KCNAB2: variants seen among roughly 807,000 people sequenced by gnomAD.
KCNAB2 encodes the protein potassium voltage-gated channel subfamily A regulatory beta subunit 2.
In KCNAB2, 29 loss-of-function variants were observed where a neutral mutation model predicts 63.6. The observed-to-expected ratio is 0.46, with a 90% CI of 0.34 to 0.62. KCNAB2 has a LOEUF of 0.62. KCNAB2 is among the 20% of genes least tolerant of loss of function. The pLI is 0.01. For missense variants in KCNAB2, 359 were observed against 563.9 expected, an observed-to-expected ratio of 0.64 and a Z score of 3.68; for synonymous variants, 222 against 224.2, an observed-to-expected ratio of 0.99 and a Z score of 0.09.
chr1:6,089,188 C>T, intron 8 of KCNAB2, 137 bp downstream of exon 8: 3 of 940,474 alleles, frequency 3.2e-6, no homozygotes, highest in Non-Finnish European at 4.9e-6. Context: ...GGTGCTCTGG[C>T]CTGACCTTCT....
chr1:6,058,396 G>A (rs936006865), intron 2 of KCNAB2, among the ~76,000 whole-genome samples: 2 of 151,996 alleles, frequency 1.3e-5, no homozygotes, highest in African/African-American at 4.8e-5. Flanking sequence ...GGAGGAACCC[G>A]GGCTCCCACC....
At chr1:6,085,281 G>C (rs767045580) in intron 6 of KCNAB2, 33 bp downstream of exon 6, 2 of 1,602,600 alleles carry the variant, frequency 1.2e-6, no homozygotes, top group Non-Finnish European at 1.7e-6. Flanking sequence ...CCTGTCCCTG[G>C]GGTGGGTGCG....
At chr1:6,019,902 G>A (rs551947953) in intron 1 of KCNAB2, among the ~76,000 whole-genome samples, 1 of 152,346 alleles carries the variant, frequency 6.6e-6, no homozygotes, top group Non-Finnish European at 1.5e-5. Flanking sequence ...TCACTTCGTT[G>A]TCAATCTCCG....
At chr1:6,076,718 G>T (rs994204463) in intron 4 of KCNAB2, among the ~76,000 whole-genome samples, 2 of 152,186 alleles carry the variant, frequency 1.3e-5, no homozygotes, top group Non-Finnish European at 2.9e-5. Context: ...CTGGGGTAGG[G>T]ACAGATTCCT....
intron 4 of KCNAB2, among the ~76,000 whole-genome samples, chr1:6,077,654 C>T (rs113416994): frequency 1.1e-3 from 161 of 152,300 alleles, no homozygotes; most frequent in African/African-American, 2.2e-3. Flanking sequence ...TGCTCCGGAG[C>T]GGAGAGCGCC....
At position 6,028,722 on chromosome 1, in the gene KCNAB2, G is replaced by A. The variant is rs576200871; in HGVS notation, c.-52-11795G>A. On this transcript the variant is annotated intron_variant, in intron 1 of 16. Transcript: ENST00000341524. The surrounding 1 kb of genome is among the most constrained non-coding windows in gnomAD (Gnocchi z 4.0). ...ATCTGGGGGAGAGTCCATCGTTGGT[G>A]TTGCTCCACTGACCTCCAGGATGGC... Among the ~76,000 whole-genome samples, 2 of 152,332 alleles carry A rather than the reference G, an allele frequency of 1.3e-5. No homozygotes were observed. Among genetic ancestry groups the A allele is most frequent in the South Asian group, 4.1e-4 (2 of 4,830 alleles).
Position 6,035,655 on chromosome 1 carries a change from C to T in KCNAB2, c.-53+861C>T, listed in dbSNP as rs188673994. Among the ~76,000 whole-genome samples the T allele has an allele frequency of 4.0e-4, 60 of 151,706 alleles. No individual in the cohort carries two copies. The highest frequency in any genetic ancestry group is 2.0e-3 in the Admixed American group (30 of 15,248). On this transcript the variant is annotated intron_variant, in intron 1 of 15. Coordinates refer to the KCNAB2 transcript ENST00000164247. This position sits in a 1 kb window ranked among gnomAD's most constrained non-coding sequence, Gnocchi z 5.0. The stretch of plus-strand genomic sequence containing the variant: ...GAACTGGGCTGGGGGTGAGGGCAGT[C>T]GGGAGCTCAGTGTCTGACCCAGGAA...
chr1:5,992,895 G>C (rs1486421696), intron 1 of KCNAB2: 1 of 152,316 alleles, frequency 6.6e-6, no homozygotes, highest in East Asian at 1.9e-4. Flanking sequence ...CCGCGGTCCC[G>C]TCTCCATCTC....
chr1:6,005,717 G>C (rs1657628519), intron 1 of KCNAB2, among the ~76,000 whole-genome samples: 1 of 151,934 alleles, frequency 6.6e-6, no homozygotes. Context: ...TCACTGTGAG[G>C]ATGCAGGGCC....
In KCNAB2 at chr1:6,051,603, C is replaced by G; in HGVS notation, c.67C>G (p.Leu23Val). The change falls in exon 2 of 16, where the codon CTG (leucine) becomes GTG (valine). Residue 23 changes from leucine (L) to valine (V), a missense_variant. By Grantham distance (32) the Leu-to-Val change is conservative. Around this residue, in one of 2 missense-constraint regions of KCNAB2, gnomAD observed 88 missense variants for 87.8 expected, o/e 1.00. Coordinates refer to ENST00000378083, the MANE Select transcript of KCNAB2 (RefSeq NM_001199862.2). ...VSSRCHSEWA[L>V]HPVRQTDTLE... ...CAGCAGGTGCCACTCTGAATGGGCC[C>G]TGCACCCCGTCCGCCAGACGGACAC... 2 of 1,534,966 alleles carry G rather than the reference C, an allele frequency of 1.3e-6. No homozygotes were observed. Among genetic ancestry groups the G allele is most frequent in the Non-Finnish European group, 1.7e-6 (2 of 1,146,668 alleles).
intron 2 of KCNAB2, among the ~76,000 whole-genome samples, chr1:6,059,364 T>C (rs1392918941): frequency 2.0e-5 from 3 of 152,074 alleles, no homozygotes; most frequent in Admixed American, 2.0e-4. Flanking sequence ...CTAATTTTTG[T>C]GCTTTTTGTA....
Position 5,994,086 on chromosome 1 carries a change from G to A in KCNAB2, c.-53+1298G>A, listed in dbSNP as rs957834140. 5.9e-5 allele frequency among the ~76,000 whole-genome samples: 9 copies of A among 152,208 alleles called. No homozygotes were observed. Among genetic ancestry groups the A allele is most frequent in the Non-Finnish European group, 1.3e-4 (9 of 68,042 alleles). ...TGGAAATTAATACATCCACATCCGA[G>A]GAGCAAGAACACCAAGTTCAGGCCA... On this transcript the variant is annotated intron_variant, in intron 1 of 16. Transcript: ENST00000341524. The surrounding 1 kb of genome is among the most constrained non-coding windows in gnomAD (Gnocchi z 5.4).
In KCNAB2 at chr1:6,101,031, C is replaced by CT. The variant is rs1553135921; in HGVS notation, c.*2466dup. On this transcript the variant is annotated 3_prime_UTR_variant, in exon 16 of 16. Transcript: ENST00000378083. ...TAATGTGCTTTTTCTCTCCCCGAGTCTTTTTTTTTAAACCTACCGTGGTTC... is the reference window on the plus strand; with the variant it reads ...TAATGTGCTTTTTCTCTCCCCGAGTCTTTTTTTTTTAAACCTACCGTGGTTC... 0.28 allele frequency: 26,913 copies of CT among 97,362 alleles called. 3,103 individuals are homozygous for CT. Among genetic ancestry groups the CT allele is most frequent in the East Asian group, 0.71 (3,163 of 4,456 alleles). 6.0% of individuals were successfully genotyped at this position (97,362 alleles called of 1,614,324 possible). A position where few individuals can be genotyped will look rare whatever the true frequency, so the allele number is the denominator to read the frequency against.
chr1:6,038,625 G>A (rs1248310554), intron 1 of KCNAB2, among the ~76,000 whole-genome samples: 1 of 152,180 alleles, frequency 6.6e-6, no homozygotes, highest in African/African-American at 2.4e-5. Context: ...GTCTACACAT[G>A]TGCTCACATC....
chr1:6,087,601 G>A lies in KCNAB2; in HGVS notation c.470+90G>A. Reference sequence around the variant, plus strand: ...AGACCCCTGACCTAGAAGGCTCCTGGGGTGGCGGGAGGACAGTCCTCCTTG... The same window carrying A: ...AGACCCCTGACCTAGAAGGCTCCTGAGGTGGCGGGAGGACAGTCCTCCTTG... On this transcript the variant is annotated intron_variant, in intron 7 of 15. Coordinates refer to ENST00000378083, the MANE Select transcript of KCNAB2 (RefSeq NM_001199862.2). This position sits in a 1 kb window ranked among gnomAD's most constrained non-coding sequence, Gnocchi z 6.4. 7.1e-7 allele frequency: 1 copy of A among 1,409,742 alleles called. No individual in the cohort carries two copies. Among genetic ancestry groups the A allele is most frequent in the Non-Finnish European group, 1.0e-6 (1 of 997,876 alleles). The allele number at this position is 1,409,742 out of a possible 1,614,324, so 87.3% of individuals were successfully genotyped here.
intron 1 of KCNAB2, among the ~76,000 whole-genome samples, chr1:6,002,328 C>T (rs1455495418): frequency 6.6e-6 from 1 of 152,250 alleles, no homozygotes; most frequent in Non-Finnish European, 1.5e-5. Flanking sequence ...CCCTGAACAA[C>T]AGGCAGTGCC....
chr1:6,072,876 C>A, intron 3 of KCNAB2, 78 bp downstream of exon 3: 1 of 1,430,002 alleles, frequency 7.0e-7, no homozygotes. Context: ...CTGGACACCC[C>A]TTGGGAGGCA....
At chr1:6,082,728 A>G (rs754417368) in intron 5 of KCNAB2, among the ~76,000 whole-genome samples, 1 of 152,226 alleles carries the variant, frequency 6.6e-6, no homozygotes, top group Non-Finnish European at 1.5e-5. Flanking sequence ...GTAAAAGCTC[A>G]GCCTTCTTCA....
chr1:6,075,188 T>C (rs1438607025), intron 4 of KCNAB2, among the ~76,000 whole-genome samples: 1 of 152,174 alleles, frequency 6.6e-6, no homozygotes, highest in Non-Finnish European at 1.5e-5. Context: ...TAAACCAGGA[T>C]GGGAGAATTC....
Sources: gnomAD v4.1 joint callset for allele counts (sites outside exome capture counted in the v4.1 genomes callset) on GRCh38, gnomAD v4.1.1 for gene constraint, gnomAD v4.1.1 regional missense constraint, Gnocchi (gnomAD v3.1) non-coding constraint, MANE v1.5 for transcripts, NCBI Gene and HGNC (gene_info 2026-07-23, HGNC 2026-07-21) for gene names.